Variants in TECTB observed in about 807,000 individuals in gnomAD.
TECTB encodes the protein tectorin beta.
In TECTB, 45 loss-of-function variants were observed where a neutral mutation model predicts 43.3. That is an observed-to-expected ratio of 1.04 (90% CI 0.82 to 1.33). TECTB has a LOEUF of 1.33. Among genes scored for constraint, TECTB ranks in the 40% most tolerant of loss-of-function variants. The pLI, the probability that TECTB is intolerant of heterozygous loss-of-function variation, is 0.00. For synonymous variants in TECTB, 169 were observed against 156.7 expected (o/e 1.08, Z -0.59); for missense variants, 399 against 404.7 (o/e 0.99, Z 0.12).
At position 112,304,036 on chromosome 10, in the gene TECTB, G is replaced by C. The variant is rs1297493171; in HGVS notation, c.*724G>C. On this transcript the variant is annotated 3_prime_UTR_variant, in exon 11 of 11. Coordinates refer to ENST00000646139, the MANE Select transcript of TECTB (RefSeq NM_058222.3). ...CAAAAGAAAATTACAAATTAAATAG[G>C]AATATTTACAAAAAGAATAATCACA... 1 of 151,992 alleles carries C rather than the reference G, an allele frequency of 6.6e-6. No individual in the cohort carries two copies. The highest frequency in any genetic ancestry group is 6.6e-5 in the Admixed American group (1 of 15,256). The allele number at this position is 151,992 out of a possible 1,614,324, so 9.4% of individuals were successfully genotyped here. A position where few individuals can be genotyped will look rare whatever the true frequency, so the allele number is the denominator to read the frequency against.
At chr10:112,296,442 C>T (rs1848547468) in intron 7 of TECTB, among the ~76,000 whole-genome samples, 1 of 152,128 alleles carries the variant, frequency 6.6e-6, no homozygotes, top group Non-Finnish European at 1.5e-5. Context: ...TCCTCCCCAC[C>T]CCCTGACAAA....
intron 7 of TECTB, among the ~76,000 whole-genome samples, chr10:112,296,841 G>A (rs1051891032): frequency 6.6e-6 from 1 of 152,172 alleles, no homozygotes; most frequent in Non-Finnish European, 1.5e-5. Context: ...CGTGTGTGCC[G>A]AGTTTACCAT....
Position 112,299,570 on chromosome 10 carries a change from C to A in TECTB, c.907+6C>A, listed in dbSNP as rs1472051870. On this transcript the variant is annotated splice_donor_region_variant and intron_variant, in intron 9 of 10. Coordinates refer to ENST00000646139, the MANE Select transcript of TECTB (RefSeq NM_058222.3). ...CGTGGAGCTCTCCCTGCGGAGTAAGCGTCTCTGTTTTCCTCTGTTTTCCAA... is the reference window on the plus strand; with the variant it reads ...CGTGGAGCTCTCCCTGCGGAGTAAGAGTCTCTGTTTTCCTCTGTTTTCCAA... 1 of 1,555,760 alleles carries A rather than the reference C, an allele frequency of 6.4e-7. No individual in the cohort carries two copies. The highest frequency in any genetic ancestry group is 1.9e-5 in the Admixed American group (1 of 53,856).
At chr10:112,288,600 T>C (rs189446751) in intron 5 of TECTB, among the ~76,000 whole-genome samples, 2 of 152,230 alleles carry the variant, frequency 1.3e-5, no homozygotes, top group Admixed American at 1.3e-4. Flanking sequence ...TATTTTTTTC[T>C]CCTCCCTTCT....
chr10:112,296,990 A>G (rs1458814690), intron 7 of TECTB, among the ~76,000 whole-genome samples: 2 of 151,884 alleles, frequency 1.3e-5, no homozygotes, highest in Non-Finnish European at 2.9e-5. Context: ...CAGATAACAA[A>G]CCCCCACAAT....
intron 9 of TECTB, among the ~76,000 whole-genome samples, chr10:112,301,495 A>G (rs1449983926): frequency 6.6e-6 from 1 of 152,164 alleles, no homozygotes; most frequent in Non-Finnish European, 1.5e-5. Context: ...GTTCATGTAG[A>G]TATTGTCTAC....
chr10:112,283,660 T>G lies in TECTB; in HGVS notation c.-75T>G. 1 of 1,386,296 alleles carries G rather than the reference T, an allele frequency of 7.2e-7. No individual in the cohort carries two copies. Among genetic ancestry groups the G allele is most frequent in the East Asian group, 2.3e-5 (1 of 42,862 alleles). 85.9% of individuals were successfully genotyped at this position (1,386,296 alleles called of 1,614,324 possible). Reference sequence around the variant, plus strand: ...GTTTCTGACTTAGAATGATCGAGGCTCAGGCCCTGGAAGGACCGTAAACAT... The same window carrying G: ...GTTTCTGACTTAGAATGATCGAGGCGCAGGCCCTGGAAGGACCGTAAACAT... On this transcript the variant is annotated 5_prime_UTR_variant, in exon 2 of 11. Transcript: ENST00000646139.
At chr10:112,283,607 C>T (rs1238208435) in intron 1 of TECTB, 41 bp from the exon 2 acceptor site, 1 of 808,950 alleles carries the variant, frequency 1.2e-6, no homozygotes, top group Non-Finnish European at 2.0e-6. Context: ...CGGCTTTGTT[C>T]TTCCCTTGAT....
chr10:112,299,972 G>C (rs192537093), intron 9 of TECTB, among the ~76,000 whole-genome samples: 151 of 152,008 alleles, frequency 9.9e-4, no homozygotes, highest in African/African-American at 3.3e-3. Context: ...AGACCAGCCT[G>C]ACCAACATGG....
At chr10:112,291,154 C>G (rs186652723) in intron 5 of TECTB, among the ~76,000 whole-genome samples, 3 of 152,168 alleles carry the variant, frequency 2.0e-5, no homozygotes, top group Admixed American at 1.3e-4. Flanking sequence ...TCTCCCTCCC[C>G]CACCCCACCC....
At position 112,303,400 on chromosome 10, in the gene TECTB, C is replaced by A; in HGVS notation, c.*88C>A. The A allele has an allele frequency of 1.3e-6, 2 of 1,511,942 alleles. No individual in the cohort carries two copies. The highest frequency in any genetic ancestry group is 1.8e-6 in the Non-Finnish European group (2 of 1,087,942). The allele number at this position is 1,511,942 out of a possible 1,614,324, so 93.7% of individuals were successfully genotyped here. On this transcript the variant is annotated 3_prime_UTR_variant, in exon 11 of 11. Coordinates refer to ENST00000646139, the MANE Select transcript of TECTB (RefSeq NM_058222.3). ...TTATTGTGCTGCCAAAAAGAACAAA[C>A]AGAAGACCACATTGTTGGGGGGCAG...
At chr10:112,299,832 C>T (rs976408017) in intron 9 of TECTB, 178 of 458,452 alleles carry the variant, frequency 3.9e-4, no homozygotes, top group Non-Finnish European at 7.1e-5. Flanking sequence ...GCTGAGCTTC[C>T]AAACAGAGCA....
chr10:112,299,048 A>G (rs982530078), intron 8 of TECTB, among the ~76,000 whole-genome samples: 2 of 152,186 alleles, frequency 1.3e-5, no homozygotes, highest in African/African-American at 4.8e-5. Flanking sequence ...AGCCAGGGAG[A>G]GGAGGGGAGA....
intron 8 of TECTB, 52 bp downstream of exon 8, chr10:112,298,283 G>A (rs1848566713): frequency 6.4e-7 from 1 of 1,567,206 alleles, no homozygotes; most frequent in Non-Finnish European, 8.7e-7. Context: ...TGCCAGTATT[G>A]GAGGAGCTGG....
At chr10:112,298,274 G>A (rs1279796449) in intron 8 of TECTB, 43 bp downstream of exon 8, 2 of 1,582,446 alleles carry the variant, frequency 1.3e-6, no homozygotes, top group East Asian at 4.6e-5. Context: ...CCTAAAGGGT[G>A]CCAGTATTGG....
At chr10:112,288,917 G>C (rs184250378) in intron 5 of TECTB, among the ~76,000 whole-genome samples, 1 of 152,124 alleles carries the variant, frequency 6.6e-6, no homozygotes, top group Non-Finnish European at 1.5e-5. Flanking sequence ...GTTGGCTTAC[G>C]GAAATACCCT....
chr10:112,295,536 C>T (rs571701863), intron 7 of TECTB, among the ~76,000 whole-genome samples: 9 of 152,282 alleles, frequency 5.9e-5, no homozygotes, highest in African/African-American at 1.7e-4. Flanking sequence ...ACAGGCTGGC[C>T]GAGGCACACC....
chr10:112,289,287 T>C (rs952216710), intron 5 of TECTB, among the ~76,000 whole-genome samples: 1 of 152,164 alleles, frequency 6.6e-6, no homozygotes, highest in East Asian at 1.9e-4. Flanking sequence ...ATATTGACTT[T>C]TATTCAATCA....
chr10:112,302,307 C>T, intron 10 of TECTB, 174 bp downstream of exon 10: 1 of 668,370 alleles, frequency 1.5e-6, no homozygotes, highest in Non-Finnish European at 2.5e-6. Context: ...TCCCTCTGAC[C>T]AGCCCCTGAA....
Sources: allele counts gnomAD v4.1 joint callset (sites outside exome capture counted in the v4.1 genomes callset), GRCh38; gene constraint gnomAD v4.1.1; transcripts MANE v1.5; gene names NCBI Gene and HGNC (gene_info 2026-07-23, HGNC 2026-07-21).